The following RARB variants were observed in gnomAD, a reference collection of about 807,000 sequenced individuals.
RARB encodes the protein retinoic acid receptor beta.
A neutral mutation model predicts 51.9 loss-of-function variants in RARB; 17 were observed. The ratio of observed to expected loss-of-function variants is 0.33; its 90% CI spans 0.22 to 0.49. RARB has a LOEUF of 0.49. Among genes scored for constraint, RARB ranks in the 20% least tolerant of loss-of-function variants. The pLI is 0.99. For missense variants in RARB, 369 were observed against 550.8 expected (o/e 0.67, Z 3.30); for synonymous variants, 215 against 195.4 (o/e 1.10, Z -0.84).
intron 5 of RARB, among the ~76,000 whole-genome samples, chr3:25,265,210 C>T (rs1380433776): frequency 6.6e-6 from 1 of 152,110 alleles, no homozygotes; most frequent in African/African-American, 2.4e-5. Context: ...CAATAGAGGC[C>T]ACTCAAGCTT....
chr3:25,165,057 G>A (rs1440656702), intron 4 of RARB, among the ~76,000 whole-genome samples: 5 of 151,936 alleles, frequency 3.3e-5, no homozygotes, highest in Non-Finnish European at 1.5e-5. Context: ...GGTCCTTCTG[G>A]GATCTAAGGC....
intron 5 of RARB, among the ~76,000 whole-genome samples, chr3:25,329,333 G>C (rs111879003): frequency 3.9e-4 from 60 of 152,280 alleles, no homozygotes; most frequent in Non-Finnish European, 8.7e-4. Context: ...AGCTTCCAGA[G>C]GAAGGATAAG....
chr3:25,511,093 T>C (rs1697869195), intron 3 of RARB, among the ~76,000 whole-genome samples: 1 of 152,108 alleles, frequency 6.6e-6, no homozygotes, highest in Non-Finnish European at 1.5e-5. Context: ...ACAAACACAG[T>C]CACTTGACCT....
chr3:25,367,691 G>A (rs867849854), intron 5 of RARB, among the ~76,000 whole-genome samples: 1 of 151,500 alleles, frequency 6.6e-6, no homozygotes, highest in African/African-American at 2.4e-5. Context: ...CCGCATATGG[G>A]GGTGTGCATC....
At chr3:25,134,046 A>G (rs1226385291) in intron 4 of RARB, among the ~76,000 whole-genome samples, 4 of 150,120 alleles carry the variant, frequency 2.7e-5, no homozygotes, top group Admixed American at 2.0e-4. Flanking sequence ...GTGCTCTTCT[A>G]TTTTTTGTTA....
At chr3:25,095,135 T>C (rs1262989931) in intron 3 of RARB, among the ~76,000 whole-genome samples, 1 of 152,148 alleles carries the variant, frequency 6.6e-6, no homozygotes, top group African/African-American at 2.4e-5. Flanking sequence ...CTTAGCTGTA[T>C]ATTGCCATCA....
In RARB at chr3:25,106,450, T is replaced by TTTTG. The variant is rs1491231864; in HGVS notation, c.-327-25711_-327-25710insTTTG. On this transcript the variant is annotated intron_variant, in intron 3 of 11. Coordinates refer to the RARB transcript ENST00000383772. Reference sequence around the variant, plus strand: ...ACCACCATGCCCAGCTACTGTTTTTTGTTTTTTGTTTTTTTTTGTTTTGTT... The same window carrying TTTTG: ...ACCACCATGCCCAGCTACTGTTTTTTTTTGGTTTTTTGTTTTTTTTTGTTTTGTT... Among the ~76,000 whole-genome samples the TTTTG allele has an allele frequency of 1.9e-4, 17 of 87,858 alleles. 1 individual carries two copies. In the East Asian group the frequency reaches 3.3e-3, roughly 17 times the overall value. 57.6% of individuals were successfully genotyped at this position (87,858 alleles called of 152,430 possible). A position where few individuals can be genotyped will look rare whatever the true frequency, so the allele number is the denominator to read the frequency against.
chr3:25,090,051 C>T (rs1357495142), intron 3 of RARB, among the ~76,000 whole-genome samples: 1 of 152,072 alleles, frequency 6.6e-6, no homozygotes, highest in Admixed American at 6.6e-5. Flanking sequence ...TGACAGAAAG[C>T]AGGAATTAAA....
chr3:25,062,329 G>A (rs1339863812), intron 3 of RARB, among the ~76,000 whole-genome samples: 2 of 151,852 alleles, frequency 1.3e-5, no homozygotes, highest in African/African-American at 4.8e-5. Context: ...ATAATATCCA[G>A]CAATGGCAAA....
chr3:25,356,555 T>C (rs1406037057), intron 5 of RARB, among the ~76,000 whole-genome samples: 3 of 152,112 alleles, frequency 2.0e-5, no homozygotes, highest in African/African-American at 4.8e-5. Flanking sequence ...GGGATACACG[T>C]GCAGAATGCG....
intron 5 of RARB, among the ~76,000 whole-genome samples, chr3:25,264,081 A>C (rs114299658): frequency 0.01 from 1,569 of 150,476 alleles, 34 homozygotes; most frequent in African/African-American, 0.037. Flanking sequence ...GTAAACTAAT[A>C]ATATATATTT....
chr3:24,882,975 G>A (rs1254688215), intron 2 of RARB, among the ~76,000 whole-genome samples: 3 of 152,122 alleles, frequency 2.0e-5, no homozygotes, highest in Non-Finnish European at 4.4e-5. Context: ...ATGGGTGGTG[G>A]TGAGGCGAGA....
At chr3:24,959,670 G>T (rs1696096967) in intron 2 of RARB, among the ~76,000 whole-genome samples, 1 of 152,178 alleles carries the variant, frequency 6.6e-6, no homozygotes, top group South Asian at 2.1e-4. Context: ...CTGCCTCCTG[G>T]CCCTATCACA....
intron 3 of RARB, among the ~76,000 whole-genome samples, chr3:25,095,234 G>C (rs1011764020): frequency 4.6e-5 from 7 of 152,152 alleles, no homozygotes; most frequent in African/African-American, 1.7e-4. Context: ...AATGTTAAAA[G>C]CTCTTCAGGT....
chr3:25,446,541 C>T (rs1443168446), intron 1 of RARB, among the ~76,000 whole-genome samples: 5 of 152,130 alleles, frequency 3.3e-5, no homozygotes, highest in East Asian at 1.9e-4. Context: ...CAGTGGCTCA[C>T]GCCTGTAATC....
At chr3:25,324,875 T>C (rs2125441503) in intron 5 of RARB, among the ~76,000 whole-genome samples, 1 of 152,316 alleles carries the variant, frequency 6.6e-6, no homozygotes, top group East Asian at 1.9e-4. Context: ...TTTGATCTTC[T>C]GATTCTTCTT....
chr3:25,161,338 C>T (rs764130032), intron 4 of RARB, among the ~76,000 whole-genome samples: 3 of 151,970 alleles, frequency 2.0e-5, no homozygotes, highest in Non-Finnish European at 2.9e-5. Flanking sequence ...TGAGCTACCA[C>T]GCCTGGCTGA....
chr3:25,013,535 C>T (rs1697442831), intron 2 of RARB, among the ~76,000 whole-genome samples: 1 of 152,094 alleles, frequency 6.6e-6, no homozygotes, highest in African/African-American at 2.4e-5. Flanking sequence ...CTTGGTACTG[C>T]TTCCTGGGCT....
At chr3:25,318,239 C>A (rs1704477966) in intron 5 of RARB, among the ~76,000 whole-genome samples, 1 of 152,228 alleles carries the variant, frequency 6.6e-6, no homozygotes, top group South Asian at 2.1e-4. Context: ...ACAGCCATCA[C>A]GATAGCTAGT....
Sources: allele counts gnomAD v4.1 joint callset (sites outside exome capture counted in the v4.1 genomes callset), GRCh38; gene constraint gnomAD v4.1.1; transcripts MANE v1.5; gene names NCBI Gene and HGNC (gene_info 2026-07-23, HGNC 2026-07-21).